SLC35D4: variants seen among roughly 807,000 people sequenced by gnomAD.
SLC35D4 encodes the protein UDP-N-acetylglucosamine transporter SLC35D4.
At chr18:23,348,022 T>A in the SLC35D4 span, among the ~76,000 whole-genome samples, 1 of 152,336 alleles carries the variant, frequency 6.6e-6, no homozygotes, top group Non-Finnish European at 1.5e-5. Flanking sequence ...CATCTATAAA[T>A]TTTGATATGT....
the SLC35D4 span, among the ~76,000 whole-genome samples, chr18:23,345,343 A>G: frequency 3.9e-5 from 6 of 151,952 alleles, no homozygotes; most frequent in South Asian, 2.1e-4. Context: ...TTAGCCGGGC[A>G]TGGTGGTGGG....
the SLC35D4 span, among the ~76,000 whole-genome samples, chr18:23,359,440 T>C: frequency 6.6e-6 from 1 of 151,814 alleles, no homozygotes; most frequent in Non-Finnish European, 1.5e-5. Flanking sequence ...ACGCGGCTTA[T>C]GCAATGGAGT....
chr18:23,387,726 A>C, the SLC35D4 span, among the ~76,000 whole-genome samples: 1 of 151,862 alleles, frequency 6.6e-6, no homozygotes, highest in Non-Finnish European at 1.5e-5. Flanking sequence ...CATTTTTCTT[A>C]CCTTTTTAAA....
At chr18:23,259,716 C>G in the SLC35D4 span, 2 of 152,186 alleles carry the variant, frequency 1.3e-5, no homozygotes, top group Non-Finnish European at 2.9e-5. Flanking sequence ...CTCTGTGACA[C>G]GGAACATTCC....
At chr18:23,336,846 A>G in the SLC35D4 span, among the ~76,000 whole-genome samples, 1 of 152,220 alleles carries the variant, frequency 6.6e-6, no homozygotes, top group East Asian at 1.9e-4. Context: ...GGGAATCAGG[A>G]TGATAATGCA....
the SLC35D4 span, among the ~76,000 whole-genome samples, chr18:23,282,210 A>C: frequency 5.3e-5 from 8 of 152,326 alleles, no homozygotes; most frequent in East Asian, 1.5e-3. Context: ...GAGAGCAGGA[A>C]ATCAATGACT....
the SLC35D4 span, among the ~76,000 whole-genome samples, chr18:23,420,793 T>C: frequency 6.6e-6 from 1 of 152,180 alleles, no homozygotes; most frequent in Non-Finnish European, 1.5e-5. Context: ...AAAATATATA[T>C]CTCAATTAAC....
At chr18:23,370,319 C>T in the SLC35D4 span, 1 of 1,576,934 alleles carries the variant, frequency 6.3e-7, no homozygotes, top group Admixed American at 1.8e-5. Flanking sequence ...GAGCTGCTGG[C>T]CTGTCCGGGG....
At chr18:23,250,347 G>A in the SLC35D4 span, among the ~76,000 whole-genome samples, 1 of 152,134 alleles carries the variant, frequency 6.6e-6, no homozygotes, top group Admixed American at 6.5e-5. Context: ...GGATTGGGGG[G>A]TGAGGGGTTG....
the SLC35D4 span, among the ~76,000 whole-genome samples, chr18:23,423,640 T>C: frequency 6.6e-6 from 1 of 152,142 alleles, no homozygotes; most frequent in African/African-American, 2.4e-5. Context: ...CAAGAAACTG[T>C]GTGAAGCCCT....
At chr18:23,259,456 TAGCATTTATG>T in the SLC35D4 span, 1 of 152,262 alleles carries the variant, frequency 6.6e-6, no homozygotes, top group African/African-American at 2.4e-5. Flanking sequence ...GTTTGGTTTT[TAGCATTTATG>T]AGGTGAGCCC....
the SLC35D4 span, among the ~76,000 whole-genome samples, chr18:23,248,187 T>C: frequency 6.6e-6 from 1 of 152,180 alleles, no homozygotes; most frequent in Admixed American, 6.5e-5. Context: ...TCAGGGAGTG[T>C]GGCGCAGGGG....
At chr18:23,377,508 A>C in the SLC35D4 span, 4 of 760,164 alleles carry the variant, frequency 5.3e-6, no homozygotes, top group African/African-American at 7.5e-5. Context: ...ACTAAGACAC[A>C]AATTAGGGAT....
the SLC35D4 span, among the ~76,000 whole-genome samples, chr18:23,408,174 CACACA>C: frequency 0.17 from 26,161 of 151,698 alleles, 3,227 homozygotes; most frequent in East Asian, 0.32. Flanking sequence ...CACACACACA[CACACA>C]CCCCTAACCT....
chr18:23,344,015 C>T, the SLC35D4 span, among the ~76,000 whole-genome samples: 3 of 152,034 alleles, frequency 2.0e-5, no homozygotes. Context: ...TCTCCTGCCT[C>T]AGCCTCCAGA....
the SLC35D4 span, among the ~76,000 whole-genome samples, chr18:23,367,167 T>C: frequency 1.3e-5 from 2 of 152,118 alleles, no homozygotes; most frequent in South Asian, 4.1e-4. Context: ...CCCCAAAGGG[T>C]AACCTCAAAT....
the SLC35D4 span, among the ~76,000 whole-genome samples, chr18:23,311,905 C>A: frequency 2.6e-5 from 4 of 151,758 alleles, no homozygotes; most frequent in Admixed American, 2.6e-4. Flanking sequence ...ACTTCTTAGA[C>A]ATGGCCTGGG....
At chr18:23,332,625 A>G in the SLC35D4 span, among the ~76,000 whole-genome samples, 8 of 152,122 alleles carry the variant, frequency 5.3e-5, no homozygotes, top group African/African-American at 1.9e-4. Context: ...TCACCTAACA[A>G]CAGAGGACTC....
the SLC35D4 span, among the ~76,000 whole-genome samples, chr18:23,347,627 G>A: frequency 6.6e-6 from 1 of 152,058 alleles, no homozygotes; most frequent in African/African-American, 2.4e-5. Flanking sequence ...GTATCACTAC[G>A]TTACCCAGGC....
Sources: allele counts gnomAD v4.1 joint callset (sites outside exome capture counted in the v4.1 genomes callset), GRCh38; gene constraint gnomAD v4.1.1; transcripts MANE v1.5; gene names NCBI Gene and HGNC (gene_info 2026-07-23, HGNC 2026-07-21).